Variants in SLC18A1 observed in about 807,000 individuals in gnomAD.
The protein encoded by SLC18A1 is chromaffin granule amine transporter.
Under a neutral mutation model 53.7 loss-of-function variants are expected in SLC18A1, and 69 were observed. The observed-to-expected ratio is 1.28, with a 90% CI of 1.06 to 1.57. SLC18A1 has a LOEUF of 1.57. Ranked by LOEUF, SLC18A1 falls within the 40% of genes most tolerant of loss-of-function variation. The probability of loss-of-function intolerance (pLI) is 0.00; values close to 1 mark genes in which losing one functional copy is unlikely to be tolerated. For missense variants in SLC18A1, 932 were observed against 668.1 expected (o/e 1.40, Z -4.35); for synonymous variants, 320 against 248.1 (o/e 1.29, Z -2.72).
At position 20,155,824 on chromosome 8, in the gene SLC18A1, C is replaced by T. The variant is rs148114960; in HGVS notation, c.1016-5080G>A. ...CTTAGGCACCAAGGCTATGAACCCA[C>T]GGAGTCTTGCCCCTGGTGTCCCTCC... On this transcript the variant is annotated intron_variant, in intron 10 of 15. Transcript: ENST00000276373. Among the ~76,000 whole-genome samples the T allele has an allele frequency of 1.3e-3, 194 of 152,326 alleles. 1 individual carries two copies. The highest frequency in any genetic ancestry group is 3.3e-3 in the South Asian group (16 of 4,828).
chr8:20,145,723 G>T lies in SLC18A1; in HGVS notation c.*40C>A, dbSNP rs2071377879. On this transcript the variant is annotated 3_prime_UTR_variant, in exon 16 of 16. Coordinates refer to ENST00000276373, the MANE Select transcript of SLC18A1 (RefSeq NM_003053.4). ...TGATCTGGTCCCAGGGAAAGAGGTG[G>T]TCACTGAGGCATCATGAATTCAAGG... 1 of 1,319,288 alleles carries T rather than the reference G, an allele frequency of 7.6e-7. No individual in the cohort carries two copies. The highest frequency in any genetic ancestry group is 1.1e-6 in the Non-Finnish European group (1 of 924,984). 81.7% of individuals were successfully genotyped at this position (1,319,288 alleles called of 1,614,324 possible). A position where few individuals can be genotyped will look rare whatever the true frequency, so the allele number is the denominator to read the frequency against.
In SLC18A1 at chr8:20,159,656, A is replaced by AG. The variant is rs1234685347; in HGVS notation, c.1015+5212_1015+5213insC. Among the ~76,000 whole-genome samples, 4 of 149,988 alleles carry AG rather than the reference A, an allele frequency of 2.7e-5. No homozygotes were observed. In the East Asian group the frequency reaches 5.8e-4, roughly 22 times the overall value. ...TGCCAAAAAAAAAAAAAAAAAAAAAAAAAAAAAGAAAGAAAAAGAAAAGAA... is the reference window on the plus strand; with the variant it reads ...TGCCAAAAAAAAAAAAAAAAAAAAAAGAAAAAAAGAAAGAAAAAGAAAAGAA... On this transcript the variant is annotated intron_variant, in intron 10 of 15. Transcript: ENST00000276373.
At chr8:20,149,478 A>C (rs1362356523) in intron 12 of SLC18A1, among the ~76,000 whole-genome samples, 198 bp downstream of exon 12, 1 of 151,806 alleles carries the variant, frequency 6.6e-6, no homozygotes, top group African/African-American at 2.4e-5. Flanking sequence ...CCCCGTGCTA[A>C]ATTCCTGCCT....
intron 6 of SLC18A1, among the ~76,000 whole-genome samples, chr8:20,171,902 G>C (rs1474640952): frequency 6.6e-6 from 1 of 152,232 alleles, no homozygotes; most frequent in Non-Finnish European, 1.5e-5. Flanking sequence ...ACACAGAGGT[G>C]TCAGAAAAGA....
intron 4 of SLC18A1, chr8:20,175,498 T>G (rs1386123605): frequency 1.3e-5 from 2 of 152,220 alleles, no homozygotes; most frequent in African/African-American, 4.8e-5. Context: ...TGTGAGAAAT[T>G]ATAAAAGTAT....
intron 10 of SLC18A1, among the ~76,000 whole-genome samples, chr8:20,160,476 C>G (rs1395455801): frequency 1.3e-5 from 2 of 151,834 alleles, no homozygotes; most frequent in African/African-American, 4.8e-5. Flanking sequence ...TGAAAAACAT[C>G]TGTTTTTCAC....
intron 14 of SLC18A1, 65 bp from the exon 15 acceptor site, chr8:20,147,456 G>A: frequency 6.3e-7 from 1 of 1,579,948 alleles, no homozygotes. Context: ...CCTCCACGTA[G>A]GACACTATGC....
chr8:20,179,623 C>T, intron 2 of SLC18A1, 139 bp from the exon 3 acceptor site: 1 of 1,153,460 alleles, frequency 8.7e-7, no homozygotes, highest in Non-Finnish European at 1.2e-6. Context: ...CAGATGTCAT[C>T]TTACCACTAC....
chr8:20,148,668 C>T (rs985269961), intron 12 of SLC18A1, among the ~76,000 whole-genome samples: 5 of 152,164 alleles, frequency 3.3e-5, no homozygotes, highest in Admixed American at 2.0e-4. Context: ...CCCTTCTTCC[C>T]TCTTTTTCAG....
At chr8:20,152,221 T>A (rs911884800) in intron 10 of SLC18A1, among the ~76,000 whole-genome samples, 1 of 152,282 alleles carries the variant, frequency 6.6e-6, no homozygotes, top group East Asian at 1.9e-4. Context: ...GCCTGAAATA[T>A]AAGAGGAAAG....
In SLC18A1 at chr8:20,145,609, G is replaced by T. The variant is rs2071373733; in HGVS notation, c.*154C>A. 4.0e-6 allele frequency: 2 copies of T among 504,904 alleles called. No homozygotes were observed. The highest frequency in any genetic ancestry group is 7.0e-6 in the Non-Finnish European group (2 of 284,048). The allele number at this position is 504,904 out of a possible 1,614,324, so 31.3% of individuals were successfully genotyped here. A position where few individuals can be genotyped will look rare whatever the true frequency, so the allele number is the denominator to read the frequency against. ...GCTACAAGTTACACAGGTGAGAAGA[G>T]TATCAGGGACAGTGTCCATGGGAGG... is the stretch of plus-strand genomic sequence containing the variant. On this transcript the variant is annotated 3_prime_UTR_variant, in exon 16 of 16. Coordinates refer to ENST00000276373, the MANE Select transcript of SLC18A1 (RefSeq NM_003053.4).
chr8:20,147,950 A>C, intron 13 of SLC18A1, 57 bp downstream of exon 13: 2 of 1,579,724 alleles, frequency 1.3e-6, no homozygotes, highest in Admixed American at 1.7e-5. Flanking sequence ...GAGGAAAGGC[A>C]TCAGACCCAA....
At chr8:20,173,892 T>C (rs1467455243) in intron 5 of SLC18A1, among the ~76,000 whole-genome samples, 1 of 121,646 alleles carries the variant, frequency 8.2e-6, no homozygotes, top group Non-Finnish European at 1.9e-5. Context: ...CTGTAATTCC[T>C]TTCTTTTTTT....
chr8:20,181,799 T>C (rs2072435283), intron 1 of SLC18A1: 1 of 152,040 alleles, frequency 6.6e-6, no homozygotes, highest in Non-Finnish European at 1.5e-5. Flanking sequence ...GGAGATTTGT[T>C]TGGGGTTGCA....
chr8:20,152,305 T>C (rs1157936619), intron 10 of SLC18A1, among the ~76,000 whole-genome samples: 2 of 152,148 alleles, frequency 1.3e-5, no homozygotes, highest in African/African-American at 4.8e-5. Flanking sequence ...TGGAAGGAAA[T>C]GACATAATTG....
chr8:20,155,546 T>C (rs2071662268), intron 10 of SLC18A1, among the ~76,000 whole-genome samples: 1 of 152,142 alleles, frequency 6.6e-6, no homozygotes, highest in African/African-American at 2.4e-5. Flanking sequence ...TCAGTCAAGA[T>C]CATGATGCAA....
At chr8:20,182,176 A>G (rs993286758) in intron 1 of SLC18A1, among the ~76,000 whole-genome samples, 3 of 152,180 alleles carry the variant, frequency 2.0e-5, no homozygotes, top group African/African-American at 7.2e-5. Context: ...TAAAAATTGT[A>G]TACTCTTTGA....
intron 10 of SLC18A1, among the ~76,000 whole-genome samples, chr8:20,152,848 A>G (rs56392044): frequency 1.4e-4 from 21 of 152,326 alleles, no homozygotes; most frequent in Non-Finnish European, 2.6e-4. Flanking sequence ...AATCGAGAAG[A>G]GGAGTCTGGC....
At chr8:20,174,340 A>G (rs771718480) in intron 5 of SLC18A1, 21 bp downstream of exon 5, 1 of 1,562,186 alleles carries the variant, frequency 6.4e-7, no homozygotes, top group Non-Finnish European at 8.8e-7. Context: ...GTGTGTGTGC[A>G]TGATGAGTTG....
Sources: allele counts gnomAD v4.1 joint callset (sites outside exome capture counted in the v4.1 genomes callset), GRCh38; gene constraint gnomAD v4.1.1; transcripts MANE v1.5; gene names NCBI Gene and HGNC (gene_info 2026-07-23, HGNC 2026-07-21).